Variants in PRKCA observed in about 807,000 individuals in gnomAD.
PRKCA encodes protein kinase C alpha type.
In PRKCA, 27 loss-of-function variants were observed where a neutral mutation model predicts 87.0. That is an observed-to-expected ratio of 0.31 (90% CI 0.23 to 0.43). PRKCA has a LOEUF of 0.43. Among genes scored for constraint, PRKCA ranks in the 20% least tolerant of loss-of-function variants. The pLI, the probability that PRKCA is intolerant of heterozygous loss-of-function variation, is 1.00. For missense variants in PRKCA, 518 were observed against 852.3 expected, an observed-to-expected ratio of 0.61 and a Z score of 4.88; for synonymous variants, 329 against 311.1, an observed-to-expected ratio of 1.06 and a Z score of -0.61.
At chr17:66,492,577 C>G (rs1036082913) in intron 2 of PRKCA, among the ~76,000 whole-genome samples, 1 of 152,174 alleles carries the variant, frequency 6.6e-6, no homozygotes, top group African/African-American at 2.4e-5. Flanking sequence ...TATTTTCCAA[C>G]CAAAACACTA....
intron 5 of PRKCA, among the ~76,000 whole-genome samples, chr17:66,645,831 T>C (rs1174263157): frequency 6.6e-6 from 1 of 152,164 alleles, no homozygotes; most frequent in East Asian, 1.9e-4. Flanking sequence ...GGGGAGCCAA[T>C]TAATCAAAAT....
At chr17:66,682,335 A>G (rs369602662) in intron 5 of PRKCA, among the ~76,000 whole-genome samples, 37 of 152,270 alleles carry the variant, frequency 2.4e-4, no homozygotes, top group African/African-American at 8.7e-4. Context: ...CAAAAAAATG[A>G]GAATATAATT....
chr17:66,686,983 G>C, intron 5 of PRKCA, 128 bp from the exon 6 acceptor site: 1 of 824,902 alleles, frequency 1.2e-6, no homozygotes, highest in Non-Finnish European at 1.9e-6. Context: ...GAGGCTTTTG[G>C]CTTCCACCAT....
intron 2 of PRKCA, among the ~76,000 whole-genome samples, chr17:66,331,589 G>A (rs554584145): frequency 7.2e-5 from 11 of 152,094 alleles, no homozygotes; most frequent in Non-Finnish European, 1.0e-4. Context: ...ACCTAAGGCC[G>A]GATCTTTCAG....
intron 3 of PRKCA, among the ~76,000 whole-genome samples, chr17:66,582,833 A>C (rs8072741): frequency 0.36 from 54,930 of 151,838 alleles, 10,532 homozygotes; most frequent in African/African-American, 0.47. Context: ...GCTGATTAAA[A>C]CTCTCTAAAG....
intron 2 of PRKCA, among the ~76,000 whole-genome samples, chr17:66,366,375 A>C (rs774311486): frequency 1.3e-5 from 2 of 152,188 alleles, no homozygotes; most frequent in Non-Finnish European, 2.9e-5. Context: ...TCTGTTTTCC[A>C]GCGAGGCTTT....
At chr17:66,428,250 T>C (rs985247829) in intron 2 of PRKCA, among the ~76,000 whole-genome samples, 2 of 152,186 alleles carry the variant, frequency 1.3e-5, no homozygotes, top group African/African-American at 4.8e-5. Context: ...CAGGGATGTG[T>C]GATTAGAGAA....
At chr17:66,691,280 T>G (rs1488510548) in intron 8 of PRKCA, among the ~76,000 whole-genome samples, 1 of 152,124 alleles carries the variant, frequency 6.6e-6, no homozygotes, top group African/African-American at 2.4e-5. Context: ...TTTTAAAAAA[T>G]TATTTGTATA....
rs137948947 is a variant in PRKCA at position 66,606,470 on chromosome 17, G to A, written c.289-34885G>A. On this transcript the variant is annotated intron_variant, in intron 3 of 16. Transcript: ENST00000413366. ...TAAAGAAGTCTGAAAGAGCTCATACGAATGTATAAGGACCCCAGTAGATAA... is the reference window on the plus strand; with the variant it reads ...TAAAGAAGTCTGAAAGAGCTCATACAAATGTATAAGGACCCCAGTAGATAA... Among the ~76,000 whole-genome samples the A allele has an allele frequency of 2.9e-3, 444 of 152,266 alleles. 3 individuals carry two copies. Among genetic ancestry groups the A allele is most frequent in the Non-Finnish European group, 3.3e-3 (225 of 68,014 alleles).
chr17:66,740,898 C>T (rs1215074119), intron 11 of PRKCA, among the ~76,000 whole-genome samples: 1 of 152,192 alleles, frequency 6.6e-6, no homozygotes, highest in Non-Finnish European at 1.5e-5. Flanking sequence ...TTCTAGCCTT[C>T]AGAGGTGGCC....
At chr17:66,754,264 A>C (rs757104145) in intron 13 of PRKCA, among the ~76,000 whole-genome samples, 3 of 151,748 alleles carry the variant, frequency 2.0e-5, no homozygotes, top group Non-Finnish European at 4.4e-5. Context: ...CATCGTTGTC[A>C]CTCTTATCAA....
chr17:66,633,718 C>T lies in PRKCA; in HGVS notation c.289-7637C>T, dbSNP rs150697457. 5.4e-3 allele frequency among the ~76,000 whole-genome samples: 830 copies of T among 152,302 alleles called. 11 individuals carry two copies. The highest frequency in any genetic ancestry group is 0.017 in the African/African-American group (718 of 41,566). The stretch of plus-strand genomic sequence containing the variant: ...TGGAAAATTCAAGCCAGGATGACCT[C>T]TAACCAAAACCCTGCCATTATTTTA... On this transcript the variant is annotated intron_variant, in intron 3 of 16. Coordinates refer to ENST00000413366, the MANE Select transcript of PRKCA (RefSeq NM_002737.3).
rs959827334 is a variant in PRKCA at position 66,808,248 on chromosome 17, A to G, written c.*4211A>G. 6.6e-6 allele frequency: 1 copy of G among 151,164 alleles called. No homozygotes were observed. Among genetic ancestry groups the G allele is most frequent in the African/African-American group, 2.4e-5 (1 of 41,084 alleles). 9.4% of individuals were successfully genotyped at this position (151,164 alleles called of 1,614,324 possible). A position where few individuals can be genotyped will look rare whatever the true frequency, so the allele number is the denominator to read the frequency against. The stretch of plus-strand genomic sequence containing the variant: ...AACAACTAACACCGCACAACTAACA[A>G]CTAACACCGCAGTTCCCACCTGGGT... On this transcript the variant is annotated 3_prime_UTR_variant, in exon 17 of 17. Transcript: ENST00000413366.
intron 3 of PRKCA, among the ~76,000 whole-genome samples, chr17:66,604,045 C>T (rs549626526): frequency 1.3e-5 from 2 of 152,296 alleles, no homozygotes; most frequent in African/African-American, 2.4e-5. Flanking sequence ...CACCTTCCCC[C>T]GCTTCCCACT....
At chr17:66,627,258 G>C (rs975756844) in intron 3 of PRKCA, among the ~76,000 whole-genome samples, 3 of 152,184 alleles carry the variant, frequency 2.0e-5, no homozygotes, top group Non-Finnish European at 4.4e-5. Flanking sequence ...CATGCCAGTG[G>C]GTTAAGATGT....
At chr17:66,562,346 A>G (rs1968737459) in intron 3 of PRKCA, among the ~76,000 whole-genome samples, 1 of 151,508 alleles carries the variant, frequency 6.6e-6, no homozygotes, top group African/African-American at 2.4e-5. Flanking sequence ...ATGCTGGTGA[A>G]GTCTACAGGA....
intron 3 of PRKCA, among the ~76,000 whole-genome samples, chr17:66,498,158 C>T (rs896442870): frequency 7.2e-5 from 11 of 152,074 alleles, no homozygotes; most frequent in South Asian, 2.1e-4. Context: ...CCCCCTGCCC[C>T]GGCCACTTTC....
At chr17:66,763,843 T>C (rs1293339128) in intron 13 of PRKCA, among the ~76,000 whole-genome samples, 1 of 152,086 alleles carries the variant, frequency 6.6e-6, no homozygotes, top group Non-Finnish European at 1.5e-5. Context: ...ACACGTACTT[T>C]ATAGGTCCGT....
chr17:66,793,760 G>A lies in PRKCA; in HGVS notation c.1854+4781G>A, dbSNP rs533697520. Among the ~76,000 whole-genome samples, 9 of 152,270 alleles carry A rather than the reference G, an allele frequency of 5.9e-5. No homozygotes were observed. In the East Asian group the frequency reaches 1.5e-3, roughly 26 times the overall value. On this transcript the variant is annotated intron_variant, in intron 16 of 16. Coordinates refer to ENST00000413366, the MANE Select transcript of PRKCA (RefSeq NM_002737.3). Reference sequence around the variant, plus strand: ...CGTCAGGTGAGCGTGGAGGCACTGTGGGGAGGAGGGTACAGCCAGCAGCTT... The same window carrying A: ...CGTCAGGTGAGCGTGGAGGCACTGTAGGGAGGAGGGTACAGCCAGCAGCTT...
Sources: allele counts gnomAD v4.1 joint callset (sites outside exome capture counted in the v4.1 genomes callset), GRCh38; gene constraint gnomAD v4.1.1; transcripts MANE v1.5; gene names NCBI Gene and HGNC (gene_info 2026-07-23, HGNC 2026-07-21).